The following LMO7 variants were observed in gnomAD, a reference collection of about 807,000 sequenced individuals.
LMO7 encodes LIM domain only protein 7.
LMO7 carries 120 observed loss-of-function variants against 206.5 expected under a neutral mutation model. That is an observed-to-expected ratio of 0.58 (90% CI 0.50 to 0.68). LMO7 has a LOEUF of 0.68. LMO7 is among the 30% of genes least tolerant of loss of function. The pLI is 0.00. For missense variants in LMO7, 1,959 were observed against 1,957.9 expected (o/e 1.00, Z -0.01); for synonymous variants, 706 against 681.5 (o/e 1.04, Z -0.56).
At chr13:75,635,028 C>CAAAAAAA (rs984451343), upstream of LMO7, among the ~76,000 whole-genome samples, 21 of 135,690 alleles carry the variant, frequency 1.5e-4, no homozygotes, top group Middle Eastern at 3.6e-3. Context: ...CAAAACAAAA[C>CAAAAAAA]AAAACAAAAC....
At chr13:75,676,504 G>T (rs1007473742) in intron 1 of LMO7, among the ~76,000 whole-genome samples, 1 of 152,120 alleles carries the variant, frequency 6.6e-6, no homozygotes, top group Non-Finnish European at 1.5e-5. Flanking sequence ...ATGTAACACC[G>T]GGGTGGAGAG....
chr13:75,841,986 A>T lies in LMO7; in HGVS notation c.4031+3A>T. 2 of 1,601,968 alleles carry T rather than the reference A, an allele frequency of 1.2e-6. No individual in the cohort carries two copies. Among genetic ancestry groups the T allele is most frequent in the Non-Finnish European group, 1.7e-6 (2 of 1,172,490 alleles). On this transcript the variant is annotated splice_donor_region_variant and intron_variant, in intron 24 of 30. Transcript: ENST00000377534. Reference sequence around the variant, plus strand: ...GTCAGAATATACCAGTACAGGAGGTATGTCCCCACAGCCAGAGGGTACAAA... The same window carrying T: ...GTCAGAATATACCAGTACAGGAGGTTTGTCCCCACAGCCAGAGGGTACAAA...
In LMO7 at chr13:75,781,744, A is replaced by G. The variant is rs570833418; in HGVS notation, c.318-13657A>G. ...GTTGAACTAGTTTACAGTCCCATCA[A>G]CAGTGTAAAAGTGTTCCTATTTCTC... On this transcript the variant is annotated intron_variant, in intron 4 of 30. Coordinates refer to ENST00000377534, the MANE Select transcript of LMO7 (RefSeq NM_001306080.2). 4.4e-4 allele frequency among the ~76,000 whole-genome samples: 67 copies of G among 152,218 alleles called. 1 individual carries two copies. The South Asian group carries it at 0.013, about 29-fold the overall frequency.
At chr13:75,693,078 CACTT>C (rs924346897) in intron 1 of LMO7, among the ~76,000 whole-genome samples, 6 of 152,174 alleles carry the variant, frequency 3.9e-5, no homozygotes, top group Non-Finnish European at 7.3e-5. Flanking sequence ...ATACAGATCT[CACTT>C]AATCACTGAA....
intron 3 of LMO7, among the ~76,000 whole-genome samples, chr13:75,734,219 C>G (rs1307136797): frequency 6.6e-6 from 1 of 152,166 alleles, no homozygotes; most frequent in African/African-American, 2.4e-5. Context: ...ATACCCCACA[C>G]TGTCCCAAGG....
chr13:75,823,940 G>A, intron 15 of LMO7, 67 bp downstream of exon 15: 1 of 1,312,030 alleles, frequency 7.6e-7, no homozygotes, highest in Admixed American at 1.9e-5. Flanking sequence ...TGGAAACCAT[G>A]TCTCAAATGT....
rs375393555 is a variant in LMO7 at position 75,816,100 on chromosome 13, C to T, written c.1947-1061C>T. On this transcript the variant is annotated intron_variant, in intron 11 of 30. Coordinates refer to ENST00000377534, the MANE Select transcript of LMO7 (RefSeq NM_001306080.2). ...AAATGAGTCAAAGGACGGACTGGTT[C>T]CTTAATTATGGCACTGGGAATAGTT... Among the ~76,000 whole-genome samples the T allele has an allele frequency of 2.8e-4, 42 of 152,266 alleles. 1 individual carries two copies. In the South Asian group the frequency reaches 7.0e-3, roughly 26 times the overall value.
chr13:75,647,634 G>A (rs1243615208), intron 1 of LMO7, among the ~76,000 whole-genome samples: 1 of 152,064 alleles, frequency 6.6e-6, no homozygotes, highest in African/African-American at 2.4e-5. Flanking sequence ...TGCAGTTTGA[G>A]CATGGTCTGT....
chr13:75,840,109 A>G lies in LMO7; in HGVS notation c.3476A>G (p.Asp1159Gly), dbSNP rs774961142. 6.2e-7 allele frequency: 1 copy of G among 1,613,924 alleles called. No individual in the cohort carries two copies. Among genetic ancestry groups the G allele is most frequent in the South Asian group, 1.1e-5 (1 of 91,062 alleles). The change falls in exon 21 of 31, where the codon GAT becomes GGT. Residue 1159 changes from aspartate to glycine, a missense_variant and splice_region_variant. By Grantham distance (94) the Asp-to-Gly change is moderately conservative. Transcript: ENST00000377534. ...GGAAGCTCTGATTCGGTGGTTCCTG[A>G]TGTAAGTAGCATTCATTTGTCATTT... ...EQGSSDSVVP[D>G]LPVPTISAPS...
chr13:75,668,660 A>AT lies in LMO7; in HGVS notation c.69+31944dup, dbSNP rs889849695. Among the ~76,000 whole-genome samples the AT allele has an allele frequency of 7.3e-5, 11 of 150,644 alleles. No homozygotes were observed. In the South Asian group the frequency reaches 1.1e-3, roughly 14 times the overall value. On this transcript the variant is annotated intron_variant, in intron 1 of 30. Coordinates refer to ENST00000377534, the MANE Select transcript of LMO7 (RefSeq NM_001306080.2). ...CAGCTACTCTCCAGTACCCTCAGAA[A>AT]TTTTTTTTTTATACATTAGTCCCAA...
At chr13:75,773,926 CT>C (rs894611697) in intron 4 of LMO7, among the ~76,000 whole-genome samples, 2 of 150,850 alleles carry the variant, frequency 1.3e-5, no homozygotes, top group African/African-American at 2.4e-5. Context: ...CCTGGTGTTG[CT>C]TTTTTTTTGT....
chr13:75,681,935 T>A (rs945807951), intron 1 of LMO7, among the ~76,000 whole-genome samples: 21 of 151,808 alleles, frequency 1.4e-4, no homozygotes, highest in Non-Finnish European at 2.9e-5. Context: ...TGTTTCCAGT[T>A]TTTTGGAATT....
chr13:75,766,237 C>CTT (rs10604656), intron 4 of LMO7, among the ~76,000 whole-genome samples: 1,672 of 126,050 alleles, frequency 0.013, 23 homozygotes, highest in African/African-American at 0.034. Context: ...TTCCCTCAGT[C>CTT]TTTTTTTTTT....
intron 1 of LMO7, among the ~76,000 whole-genome samples, chr13:75,680,234 C>G (rs1242410862): frequency 2.0e-5 from 3 of 152,154 alleles, no homozygotes; most frequent in Non-Finnish European, 4.4e-5. Flanking sequence ...GATCTCGTTC[C>G]CTTTTGTGGT....
intron 2 of LMO7, among the ~76,000 whole-genome samples, chr13:75,721,658 C>A (rs2044027041): frequency 6.6e-6 from 1 of 152,150 alleles, no homozygotes; most frequent in South Asian, 2.1e-4. Flanking sequence ...CTTTTTATGG[C>A]TGAGTAGTAT....
intron 1 of LMO7, among the ~76,000 whole-genome samples, chr13:75,702,953 T>G (rs2042378370): frequency 6.6e-6 from 1 of 152,264 alleles, no homozygotes; most frequent in Non-Finnish European, 1.5e-5. Flanking sequence ...CTTTCAACTT[T>G]GAAGGTTTCA....
intron 4 of LMO7, among the ~76,000 whole-genome samples, chr13:75,785,750 G>A (rs2052330970): frequency 6.6e-6 from 1 of 152,010 alleles, no homozygotes; most frequent in Non-Finnish European, 1.5e-5. Context: ...CTGTTTCATG[G>A]TACAGTTTGC....
intron 4 of LMO7, among the ~76,000 whole-genome samples, chr13:75,794,707 A>G (rs1436159908): frequency 1.3e-5 from 2 of 152,120 alleles, no homozygotes; most frequent in African/African-American, 4.8e-5. Context: ...GAAGTAGCAT[A>G]TTGTTGCTTC....
chr13:75,822,833 T>C lies in LMO7; in HGVS notation c.2641-732T>C, dbSNP rs1193261909. ...TTATATATATATAATAAAATATATA[T>C]ATATATATATAAAACTTTTGCTCCA... On this transcript the variant is annotated intron_variant, in intron 14 of 30. Transcript: ENST00000377534. 2.7e-5 allele frequency among the ~76,000 whole-genome samples: 4 copies of C among 145,738 alleles called. No individual in the cohort carries two copies. The East Asian group carries it at 5.9e-4, about 22-fold the overall frequency.
Sources: gnomAD v4.1 joint callset for allele counts (sites outside exome capture counted in the v4.1 genomes callset) on GRCh38, gnomAD v4.1.1 for gene constraint, MANE v1.5 for transcripts, NCBI Gene and HGNC (gene_info 2026-07-23, HGNC 2026-07-21) for gene names.